Variants in KCNIP4 observed in about 807,000 individuals in gnomAD.
KCNIP4 encodes Kv channel-interacting protein 4.
A neutral mutation model predicts 34.0 loss-of-function variants in KCNIP4; 12 were observed. The observed-to-expected ratio is 0.35, with a 90% CI of 0.23 to 0.57. The LOEUF (loss-of-function observed/expected upper bound fraction) is 0.57. Ranked by LOEUF, KCNIP4 falls within the 20% of genes least tolerant of loss-of-function variation. The pLI is 0.83. For synonymous variants in KCNIP4, 124 were observed against 102.2 expected (o/e 1.21, Z -1.29); for missense variants, 238 against 311.7 (o/e 0.76, Z 1.78).
chr4:21,400,674 G>T (rs13107161), intron 1 of KCNIP4, among the ~76,000 whole-genome samples: 31,467 of 151,892 alleles, frequency 0.21, 3,693 homozygotes, highest in Middle Eastern at 0.3. Flanking sequence ...ATGGGGGTGT[G>T]ACCAAGCATC....
At chr4:21,519,663 T>TAC (rs1420338195) in intron 1 of KCNIP4, among the ~76,000 whole-genome samples, 3 of 118,454 alleles carry the variant, frequency 2.5e-5, no homozygotes, top group African/African-American at 1.0e-4. Flanking sequence ...TGTGTATATA[T>TAC]ACACGTGTGT....
chr4:21,820,255 T>C (rs985615388), intron 1 of KCNIP4, among the ~76,000 whole-genome samples: 1 of 147,110 alleles, frequency 6.8e-6, no homozygotes, highest in Non-Finnish European at 1.5e-5. Context: ...TTATAAGATA[T>C]GTATGTATAT....
In KCNIP4 at chr4:21,794,162, T is replaced by C. The variant is rs1479882107; in HGVS notation, c.61+154409A>G. On this transcript the variant is annotated intron_variant, in intron 1 of 8. Transcript: ENST00000382152. ...GGGAGAGGGATAGCATTAGGAGATA[T>C]ACCTAATGTAAATGACTAGTTAACG... Among the ~76,000 whole-genome samples, 8 of 152,248 alleles carry C rather than the reference T, an allele frequency of 5.3e-5. No homozygotes were observed. In the East Asian group the frequency reaches 1.5e-3, roughly 29 times the overall value.
intron 1 of KCNIP4, among the ~76,000 whole-genome samples, chr4:21,211,336 G>A (rs141252423): frequency 1.5e-4 from 23 of 152,288 alleles, no homozygotes; most frequent in African/African-American, 5.5e-4. Flanking sequence ...CTGTACCAGT[G>A]TGTGTCCTGT....
chr4:21,560,626 A>T (rs549096978), intron 1 of KCNIP4, among the ~76,000 whole-genome samples: 76 of 152,192 alleles, frequency 5.0e-4, no homozygotes, highest in African/African-American at 1.7e-3. Flanking sequence ...GCTCTTACTC[A>T]TGGAACACTG....
At chr4:21,260,622 A>G (rs1469896534) in intron 1 of KCNIP4, among the ~76,000 whole-genome samples, 1 of 152,150 alleles carries the variant, frequency 6.6e-6, no homozygotes, top group Non-Finnish European at 1.5e-5. Context: ...CTAGTCACAA[A>G]CATGCACCAG....
chr4:20,916,842 A>T (rs1397415233), intron 1 of KCNIP4, among the ~76,000 whole-genome samples: 2 of 151,408 alleles, frequency 1.3e-5, no homozygotes, highest in African/African-American at 4.9e-5. Flanking sequence ...GCTTCTCCAA[A>T]GTCCTAAACT....
At position 20,860,259 on chromosome 4, in the gene KCNIP4, C is replaced by A. The variant is rs181846009; in HGVS notation, c.164-9592G>T. Among the ~76,000 whole-genome samples, 242 of 152,216 alleles carry A rather than the reference C, an allele frequency of 1.6e-3. 1 individual carries two copies. The highest frequency in any genetic ancestry group is 5.5e-3 in the African/African-American group (229 of 41,508). ...GGTTAAAGCGATTCTCCTGGCTCAG[C>A]CTTCCAAGTAGCTGGAATTACAGGA... On this transcript the variant is annotated intron_variant, in intron 2 of 8. Coordinates refer to ENST00000382152, the MANE Select transcript of KCNIP4 (RefSeq NM_025221.6).
At chr4:21,132,099 T>G (rs1359574546) in intron 1 of KCNIP4, among the ~76,000 whole-genome samples, 5 of 152,206 alleles carry the variant, frequency 3.3e-5, no homozygotes, top group Non-Finnish European at 5.9e-5. Context: ...TATTTCAAAA[T>G]AAATAATTTA....
intron 3 of KCNIP4, among the ~76,000 whole-genome samples, chr4:20,763,466 G>A (rs973547107): frequency 1.3e-5 from 2 of 152,086 alleles, no homozygotes; most frequent in African/African-American, 4.8e-5. Context: ...GGAAAAGAAC[G>A]CTGAAAAGAG....
chr4:21,626,645 A>G (rs1193511252), intron 1 of KCNIP4, among the ~76,000 whole-genome samples: 1 of 152,104 alleles, frequency 6.6e-6, no homozygotes, highest in Non-Finnish European at 1.5e-5. Flanking sequence ...CAACTACCCC[A>G]TCTCACTCAA....
At chr4:21,083,127 T>G (rs1019348354) in intron 1 of KCNIP4, among the ~76,000 whole-genome samples, 5 of 151,812 alleles carry the variant, frequency 3.3e-5, no homozygotes, top group African/African-American at 1.2e-4. Context: ...CTTCACTTCT[T>G]TTGTCTCTGT....
chr4:21,527,042 A>C (rs1433719240), intron 1 of KCNIP4, among the ~76,000 whole-genome samples: 1 of 152,170 alleles, frequency 6.6e-6, no homozygotes, highest in Admixed American at 6.5e-5. Flanking sequence ...TGCACACTTA[A>C]GAGGAAAGAA....
intron 1 of KCNIP4, among the ~76,000 whole-genome samples, chr4:21,329,569 T>C (rs1715417754): frequency 6.6e-6 from 1 of 152,094 alleles, no homozygotes; most frequent in African/African-American, 2.4e-5. Context: ...CAAAACATCA[T>C]CAGCAGTACA....
chr4:21,495,792 G>A lies in KCNIP4; in HGVS notation c.61+452779C>T, dbSNP rs116594885. ...AGCTACACAGAGTAAGACAGAGTCA[G>A]AGAAAAGAGAAAGAATTATTCAATC... is the stretch of plus-strand genomic sequence containing the variant. On this transcript the variant is annotated intron_variant, in intron 1 of 8. Transcript: ENST00000382152. 8.1e-3 allele frequency among the ~76,000 whole-genome samples: 1,232 copies of A among 152,284 alleles called. 14 individuals carry two copies. Among genetic ancestry groups the A allele is most frequent in the African/African-American group, 0.029 (1,185 of 41,564 alleles).
chr4:21,913,691 A>T (rs1728468664), intron 1 of KCNIP4, among the ~76,000 whole-genome samples: 1 of 152,230 alleles, frequency 6.6e-6, no homozygotes, highest in African/African-American at 2.4e-5. Flanking sequence ...TGGAGAAACA[A>T]AAGACAACTG....
chr4:21,190,281 C>T (rs1380454544), intron 1 of KCNIP4, among the ~76,000 whole-genome samples: 1 of 152,038 alleles, frequency 6.6e-6, no homozygotes, highest in Non-Finnish European at 1.5e-5. Flanking sequence ...AACATGAAGC[C>T]TAATGTTTTG....
chr4:20,784,942 A>G (rs1711747907), intron 3 of KCNIP4, among the ~76,000 whole-genome samples: 1 of 152,188 alleles, frequency 6.6e-6, no homozygotes, highest in South Asian at 2.1e-4. Context: ...AGGGAAGGGC[A>G]TTCCCCCATT....
chr4:21,820,677 T>G (rs139421338), intron 1 of KCNIP4, among the ~76,000 whole-genome samples: 3 of 152,158 alleles, frequency 2.0e-5, no homozygotes, highest in Non-Finnish European at 4.4e-5. Context: ...GGATGATTTG[T>G]TTATTTTGCT....
Sources: gnomAD v4.1 joint callset for allele counts (sites outside exome capture counted in the v4.1 genomes callset) on GRCh38, gnomAD v4.1.1 for gene constraint, MANE v1.5 for transcripts, NCBI Gene and HGNC (gene_info 2026-07-23, HGNC 2026-07-21) for gene names.